The following EXOC6B variants were observed in gnomAD, a reference collection of about 807,000 sequenced individuals.
The protein encoded by EXOC6B is exocyst complex component 6B, also known as SEC15 homolog B.
In EXOC6B, 54 loss-of-function variants were observed where a neutral mutation model predicts 113.5. The observed-to-expected ratio is 0.48, with a 90% CI of 0.38 to 0.60. EXOC6B has a LOEUF of 0.60. Ranked by LOEUF, EXOC6B falls within the 20% of genes least tolerant of loss-of-function variation. The pLI, the probability that EXOC6B is intolerant of heterozygous loss-of-function variation, is 0.00. For missense variants in EXOC6B, 797 were observed against 977.5 expected, an observed-to-expected ratio of 0.82 and a Z score of 2.46; for synonymous variants, 357 against 339.0, an observed-to-expected ratio of 1.05 and a Z score of -0.58.
chr2:72,307,160 A>ATTTTTTTTTTTTTTTTTTTTTTT (rs1686912321), intron 20 of EXOC6B, among the ~76,000 whole-genome samples: 1 of 107,752 alleles, frequency 9.3e-6, no homozygotes, highest in African/African-American at 8.6e-5. Flanking sequence ...GGTATAGTCC[A>ATTTTTTTTTTTTTTTTTTTTTTT]GTTTTTTTTT....
At chr2:72,242,124 C>A (rs764269251) in intron 20 of EXOC6B, among the ~76,000 whole-genome samples, 11 of 152,080 alleles carry the variant, frequency 7.2e-5, no homozygotes, top group Non-Finnish European at 8.8e-5. Context: ...CCCAGGAGGT[C>A]GAGGCTGCAG....
chr2:72,642,907 C>T (rs1247743812), intron 6 of EXOC6B, among the ~76,000 whole-genome samples: 1 of 147,856 alleles, frequency 6.8e-6, no homozygotes, highest in African/African-American at 2.5e-5. Context: ...TGAACTCAAA[C>T]AAATTTACAA....
chr2:72,499,588 C>T (rs1167730950), intron 12 of EXOC6B, among the ~76,000 whole-genome samples: 1 of 148,570 alleles, frequency 6.7e-6, no homozygotes, highest in African/African-American at 2.5e-5. Flanking sequence ...AGTGCAGTGG[C>T]GAGATCATAG....
At chr2:72,757,131 T>C (rs1375049027) in intron 1 of EXOC6B, among the ~76,000 whole-genome samples, 1 of 152,212 alleles carries the variant, frequency 6.6e-6, no homozygotes, top group Non-Finnish European at 1.5e-5. Flanking sequence ...GAATAGTAAC[T>C]GGTTCATAGT....
At chr2:72,812,466 A>C (rs928905913) in intron 1 of EXOC6B, among the ~76,000 whole-genome samples, 3 of 152,232 alleles carry the variant, frequency 2.0e-5, no homozygotes, top group Admixed American at 6.5e-5. Flanking sequence ...TGACATTTAG[A>C]TTTAATGCAA....
intron 8 of EXOC6B, among the ~76,000 whole-genome samples, chr2:72,556,317 A>G (rs917813523): frequency 1.3e-5 from 2 of 152,222 alleles, no homozygotes; most frequent in Admixed American, 6.5e-5. Context: ...TTATCAAATG[A>G]GGGCAATTTT....
rs760593642 is a variant in EXOC6B, at chr2:72,379,966, G to A, written c.1981-96C>T. ...TTAAAATTACTTCTTTTTCAATTAG[G>A]AATTTCCCTAAGGTTCTCCTCATCA... On this transcript the variant is annotated intron_variant, in intron 18 of 21. Coordinates refer to ENST00000272427, the MANE Select transcript of EXOC6B (RefSeq NM_015189.3). 98 of 1,234,988 alleles carry A rather than the reference G, an allele frequency of 7.9e-5. 1 individual carries two copies. The highest frequency in any genetic ancestry group is 1.0e-4 in the Non-Finnish European group (95 of 914,022). The allele number at this position is 1,234,988 out of a possible 1,614,324, so 76.5% of individuals were successfully genotyped here. A position where few individuals can be genotyped will look rare whatever the true frequency, so the allele number is the denominator to read the frequency against.
Position 72,779,804 on chromosome 2 carries a change from C to G in EXOC6B, c.114-38335G>C, listed in dbSNP as rs1242369718. ...TGACAAAAAAAAGAAAGTCCTTTTC[C>G]TCTTTGGTCTCAGAGATACAATAGA... On this transcript the variant is annotated intron_variant, in intron 1 of 21. Transcript: ENST00000272427. Among the ~76,000 whole-genome samples the G allele has an allele frequency of 2.0e-5, 3 of 152,198 alleles. No individual in the cohort carries two copies. The East Asian group carries it at 5.8e-4, about 29-fold the overall frequency.
intron 20 of EXOC6B, among the ~76,000 whole-genome samples, chr2:72,264,220 C>G (rs1305527526): frequency 1.3e-5 from 2 of 152,118 alleles, no homozygotes; most frequent in Non-Finnish European, 2.9e-5. Flanking sequence ...GACCCAGAGT[C>G]TCTTCTTTCT....
At chr2:72,361,907 T>C (rs1690338714) in intron 19 of EXOC6B, among the ~76,000 whole-genome samples, 1 of 152,204 alleles carries the variant, frequency 6.6e-6, no homozygotes, top group Non-Finnish European at 1.5e-5. Flanking sequence ...GATCTTTCAG[T>C]CAGAGTGAGG....
intron 6 of EXOC6B, among the ~76,000 whole-genome samples, chr2:72,612,162 C>A (rs1671113516): frequency 6.6e-6 from 1 of 151,952 alleles, no homozygotes; most frequent in African/African-American, 2.4e-5. Context: ...GTAGTCCCAG[C>A]TACTCGGAAG....
At chr2:72,181,253 CT>C (rs1316117721) in intron 21 of EXOC6B, among the ~76,000 whole-genome samples, 6 of 151,332 alleles carry the variant, frequency 4.0e-5, no homozygotes, top group Non-Finnish European at 8.8e-5. Flanking sequence ...GCTCAAGAGC[CT>C]TCAGGCTGGA....
intron 18 of EXOC6B, among the ~76,000 whole-genome samples, chr2:72,401,640 T>C (rs867067163): frequency 4.8e-4 from 26 of 53,898 alleles, no homozygotes; most frequent in South Asian, 2.4e-3. Context: ...TATATATACA[T>C]ATATACATAT....
intron 20 of EXOC6B, among the ~76,000 whole-genome samples, chr2:72,330,264 A>G (rs1488329074): frequency 6.6e-6 from 1 of 152,126 alleles, no homozygotes; most frequent in Non-Finnish European, 1.5e-5. Context: ...AGAAGCACTT[A>G]CAATGAATGT....
intron 20 of EXOC6B, among the ~76,000 whole-genome samples, chr2:72,197,364 C>T (rs1049026079): frequency 2.6e-5 from 4 of 152,166 alleles, no homozygotes; most frequent in African/African-American, 4.8e-5. Context: ...CATTCCCTTT[C>T]GAGCCTCTGT....
chr2:72,410,591 T>A (rs908192062), intron 18 of EXOC6B, among the ~76,000 whole-genome samples: 1 of 152,192 alleles, frequency 6.6e-6, no homozygotes, highest in East Asian at 1.9e-4. Context: ...TAGATGAATA[T>A]GGTAGAAATA....
At chr2:72,256,354 T>C (rs1019632108) in intron 20 of EXOC6B, among the ~76,000 whole-genome samples, 1 of 152,214 alleles carries the variant, frequency 6.6e-6, no homozygotes, top group African/African-American at 2.4e-5. Flanking sequence ...ATGAAGACAC[T>C]ATCAAATCAT....
At chr2:72,407,978 C>G (rs1205664455) in intron 18 of EXOC6B, among the ~76,000 whole-genome samples, 1 of 152,142 alleles carries the variant, frequency 6.6e-6, no homozygotes, top group Non-Finnish European at 1.5e-5. Context: ...ATCGTCTCAG[C>G]CCAAAATCTC....
chr2:72,227,563 T>C (rs1044598182), intron 20 of EXOC6B, among the ~76,000 whole-genome samples: 5 of 152,282 alleles, frequency 3.3e-5, no homozygotes, highest in African/African-American at 1.2e-4. Context: ...TTTTTAAAAA[T>C]TAGTAAAAAT....
Sources: gnomAD v4.1 joint callset for allele counts (sites outside exome capture counted in the v4.1 genomes callset) on GRCh38, gnomAD v4.1.1 for gene constraint, MANE v1.5 for transcripts, NCBI Gene and HGNC (gene_info 2026-07-23, HGNC 2026-07-21) for gene names.